Variants in CCDC85C observed in about 807,000 individuals in gnomAD.
CCDC85C encodes the protein coiled-coil domain containing 85C, also known as coiled-coil domain-containing protein 85C.
In CCDC85C, 18 loss-of-function variants were observed where a neutral mutation model predicts 38.3. That is an observed-to-expected ratio of 0.47 (90% CI 0.33 to 0.70). The LOEUF (loss-of-function observed/expected upper bound fraction) is 0.70. CCDC85C is among the 30% of genes least tolerant of loss of function. CCDC85C has a pLI of 0.03. For missense variants in CCDC85C, 566 were observed against 621.2 expected (o/e 0.91, Z 0.94); for synonymous variants, 264 against 293.8 (o/e 0.90, Z 1.04).
At chr14:99,549,586 C>A (rs1028392845) in intron 1 of CCDC85C, among the ~76,000 whole-genome samples, 43 of 152,304 alleles carry the variant, frequency 2.8e-4, no homozygotes, top group Admixed American at 2.1e-3. Flanking sequence ...GCCCAGATAA[C>A]TCAGAGGACT....
chr14:99,514,042 C>T lies in CCDC85C; in HGVS notation c.*1204G>A, dbSNP rs1225363047. On this transcript the variant is annotated 3_prime_UTR_variant, in exon 6 of 6. Transcript: ENST00000380243. ...GGGCTCAGAGTGGGGAGGCAACTCTCCACCCGCAGCGACTGCAAGGCAGCA... is the reference window on the plus strand; with the variant it reads ...GGGCTCAGAGTGGGGAGGCAACTCTTCACCCGCAGCGACTGCAAGGCAGCA... The T allele has an allele frequency of 6.6e-6, 1 of 152,338 alleles. No homozygotes were observed. The highest frequency in any genetic ancestry group is 1.5e-5 in the Non-Finnish European group (1 of 68,096). The allele number at this position is 152,338 out of a possible 1,614,324, so 9.4% of individuals were successfully genotyped here. A position where few individuals can be genotyped will look rare whatever the true frequency, so the allele number is the denominator to read the frequency against.
At chr14:99,597,153 G>A (rs1336558481) in intron 1 of CCDC85C, among the ~76,000 whole-genome samples, 1 of 152,102 alleles carries the variant, frequency 6.6e-6, no homozygotes, top group Admixed American at 6.5e-5. Context: ...CCACACCACA[G>A]TGGTCACCAG....
Position 99,506,752 on chromosome 14 carries a change from T to C in CCDC85C, c.*8494A>G, listed in dbSNP as rs1896985448. The C allele has an allele frequency of 5.5e-6, 2 of 364,758 alleles. No homozygotes were observed. The highest frequency in any genetic ancestry group is 4.6e-5 in the South Asian group (2 of 43,094). The allele number at this position is 364,758 out of a possible 1,614,324, so 22.6% of individuals were successfully genotyped here. ...ACCAGGGAGGACTCCAGATAGGTCA[T>C]ACATGCTCATGAAGACGTTGCTCTG... On this transcript the variant is annotated 3_prime_UTR_variant, in exon 6 of 6. Transcript: ENST00000380243.
intron 1 of CCDC85C, among the ~76,000 whole-genome samples, chr14:99,577,297 C>A (rs1405380057): frequency 6.6e-6 from 1 of 151,374 alleles, no homozygotes; most frequent in Non-Finnish European, 1.5e-5. Context: ...GCAGGAGTGT[C>A]CTAGAGCCCA....
At chr14:99,573,168 G>A (rs576630330) in intron 1 of CCDC85C, among the ~76,000 whole-genome samples, 29 of 152,320 alleles carry the variant, frequency 1.9e-4, no homozygotes, top group African/African-American at 3.4e-4. Context: ...CGGAGTCCCC[G>A]CGGGACCTGC....
intron 1 of CCDC85C, among the ~76,000 whole-genome samples, chr14:99,596,661 T>C (rs1414925910): frequency 6.6e-6 from 1 of 152,196 alleles, no homozygotes; most frequent in Non-Finnish European, 1.5e-5. Context: ...AGGGGGACCA[T>C]TTCTGACATG....
chr14:99,516,080 G>A lies in CCDC85C; in HGVS notation c.1170+108C>T. On this transcript the variant is annotated intron_variant, in intron 5 of 5. Coordinates refer to ENST00000380243, the MANE Select transcript of CCDC85C (RefSeq NM_001144995.2). This position sits in a 1 kb window ranked among gnomAD's most constrained non-coding sequence, Gnocchi z 5.5. ...TATCCAAGGTCACCCAGCCTTCGCT[G>A]AGCATTCGAGAAATGGAGTCCCACA... 1 of 885,714 alleles carries A rather than the reference G, an allele frequency of 1.1e-6. No homozygotes were observed. The highest frequency in any genetic ancestry group is 1.5e-5 in the South Asian group (1 of 67,946). 54.9% of individuals were successfully genotyped at this position (885,714 alleles called of 1,614,324 possible).
In CCDC85C at chr14:99,502,679, T is replaced by C; in HGVS notation, c.*12567A>G. ...TATCCAGGTAAAATTTTATTTAAAA[T>C]ACCAATTTGTGTAAAATGTAATTGT... On this transcript the variant is annotated 3_prime_UTR_variant, in exon 6 of 6. Coordinates refer to ENST00000380243, the MANE Select transcript of CCDC85C (RefSeq NM_001144995.2). 1 of 1,586,634 alleles carries C rather than the reference T, an allele frequency of 6.3e-7. No individual in the cohort carries two copies. The highest frequency in any genetic ancestry group is 1.1e-5 in the South Asian group (1 of 90,310).
chr14:99,503,151 G>C lies in CCDC85C; in HGVS notation c.*12095C>G. 1.2e-6 allele frequency: 1 copy of C among 808,460 alleles called. No homozygotes were observed. The highest frequency in any genetic ancestry group is 1.4e-5 in the South Asian group (1 of 70,274). 50.1% of individuals were successfully genotyped at this position (808,460 alleles called of 1,614,324 possible). A position where few individuals can be genotyped will look rare whatever the true frequency, so the allele number is the denominator to read the frequency against. On this transcript the variant is annotated 3_prime_UTR_variant, in exon 6 of 6. Transcript: ENST00000380243. Reference sequence around the variant, plus strand: ...CGGTGGGGAGCCTGAAAACAAAGGTGCTCCAAGGACAGGCTGCCTCTGAGA... The same window carrying C: ...CGGTGGGGAGCCTGAAAACAAAGGTCCTCCAAGGACAGGCTGCCTCTGAGA...
intron 1 of CCDC85C, among the ~76,000 whole-genome samples, chr14:99,587,412 G>A (rs2055038579): frequency 6.6e-6 from 1 of 152,350 alleles, no homozygotes; most frequent in Admixed American, 6.5e-5. Context: ...GGCCTCTGGG[G>A]GAGATTTTGT....
intron 2 of CCDC85C, chr14:99,534,667 C>A: frequency 1.4e-6 from 1 of 702,374 alleles, no homozygotes; most frequent in African/African-American, 1.7e-5. Flanking sequence ...CCTACAGCTT[C>A]CACACACCCT....
At chr14:99,574,687 T>G (rs1898433982) in intron 1 of CCDC85C, among the ~76,000 whole-genome samples, 1 of 152,170 alleles carries the variant, frequency 6.6e-6, no homozygotes. Context: ...GGGAAGGAGC[T>G]TCATGAGCAC....
intron 1 of CCDC85C, among the ~76,000 whole-genome samples, chr14:99,586,989 G>T (rs1028728084): frequency 6.6e-6 from 1 of 152,206 alleles, no homozygotes; most frequent in Non-Finnish European, 1.5e-5. Flanking sequence ...TGCTCCTGGG[G>T]GTGACAGTGG....
Position 99,515,117 on chromosome 14 carries a change from C to T in CCDC85C, c.*129G>A, listed in dbSNP as rs1273108920. The T allele has an allele frequency of 9.1e-6, 6 of 656,970 alleles. No individual in the cohort carries two copies. The highest frequency in any genetic ancestry group is 3.0e-5 in the Admixed American group (1 of 33,440). 40.7% of individuals were successfully genotyped at this position (656,970 alleles called of 1,614,324 possible). On this transcript the variant is annotated 3_prime_UTR_variant, in exon 6 of 6. Coordinates refer to ENST00000380243, the MANE Select transcript of CCDC85C (RefSeq NM_001144995.2). ...ATGGCAGCTGGGCCAGGGCGGGCAG[C>T]GTCCTATGTACAGTTCACCACAGAG...
chr14:99,500,504 AT>A lies in CCDC85C; in HGVS notation c.*14741del, dbSNP rs1425180005. 2.7e-6 allele frequency: 1 copy of A among 377,170 alleles called. No homozygotes were observed. The highest frequency in any genetic ancestry group is 2.1e-5 in the African/African-American group (1 of 46,670). The allele number at this position is 377,170 out of a possible 1,614,324, so 23.4% of individuals were successfully genotyped here. ...AGGGAGACTCATGTATGTATTGAAA[AT>A]AATAATATTTTTAAGGATCTTTTGT... On this transcript the variant is annotated 3_prime_UTR_variant, in exon 6 of 6. Transcript: ENST00000380243.
chr14:99,602,876 G>A (rs2055217231), intron 1 of CCDC85C, among the ~76,000 whole-genome samples: 1 of 152,220 alleles, frequency 6.6e-6, no homozygotes, highest in Non-Finnish European at 1.5e-5. Flanking sequence ...GCCCAGCAGT[G>A]ACAGACCCTA....
rs1336810101 is a variant in CCDC85C at position 99,535,821 on chromosome 14, G to C, written c.867+194C>G. On this transcript the variant is annotated intron_variant, in intron 2 of 5. Coordinates refer to ENST00000380243, the MANE Select transcript of CCDC85C (RefSeq NM_001144995.2). The surrounding 1 kb of genome is among the most constrained non-coding windows in gnomAD (Gnocchi z 5.5). ...GCATACTGGGCAGTCAGCATGGAAG[G>C]TTGGGCAGAGGGAAGCCCAGAGGTG... 6.6e-6 allele frequency among the ~76,000 whole-genome samples: 1 copy of C among 152,210 alleles called. No homozygotes were observed. The highest frequency in any genetic ancestry group is 2.4e-5 in the African/African-American group (1 of 41,446).
rs751012933 is a variant in CCDC85C, at chr14:99,502,947, C to T, written c.*12299G>A. The stretch of plus-strand genomic sequence containing the variant: ...GCCCAACAGCCCAAGAAACCCTCTC[C>T]GCAGCCCAGTTCTCCCCGACAGGTT... On this transcript the variant is annotated 3_prime_UTR_variant, in exon 6 of 6. Transcript: ENST00000380243. The T allele has an allele frequency of 5.0e-6, 8 of 1,613,858 alleles. No individual in the cohort carries two copies. The highest frequency in any genetic ancestry group is 6.8e-6 in the Non-Finnish European group (8 of 1,179,898).
At position 99,503,976 on chromosome 14, in the gene CCDC85C, C is replaced by A; in HGVS notation, c.*11270G>T. 2.8e-6 allele frequency: 1 copy of A among 358,822 alleles called. No homozygotes were observed. The allele number at this position is 358,822 out of a possible 1,614,324, so 22.2% of individuals were successfully genotyped here. On this transcript the variant is annotated 3_prime_UTR_variant, in exon 6 of 6. Coordinates refer to ENST00000380243, the MANE Select transcript of CCDC85C (RefSeq NM_001144995.2). ...TTACCCCCATCACAGCAGCAGGAGTCCTCTCCCAAGCACCAAGCCACAGCA... is the reference window on the plus strand; with the variant it reads ...TTACCCCCATCACAGCAGCAGGAGTACTCTCCCAAGCACCAAGCCACAGCA...
Sources: allele counts gnomAD v4.1 joint callset (sites outside exome capture counted in the v4.1 genomes callset), GRCh38; gene constraint gnomAD v4.1.1; non-coding constraint Gnocchi (gnomAD v3.1); transcripts MANE v1.5; gene names NCBI Gene and HGNC (gene_info 2026-07-23, HGNC 2026-07-21).